The following CDC20B variants were observed in gnomAD, a reference collection of about 807,000 sequenced individuals.
The protein encoded by CDC20B is cell division cycle 20B.
Under a neutral mutation model 64.1 loss-of-function variants are expected in CDC20B, and 58 were observed. The ratio of observed to expected loss-of-function variants is 0.90; its 90% confidence interval spans 0.73 to 1.13. The LOEUF (loss-of-function observed/expected upper bound fraction) is 1.13, where lower values mean the gene tolerates loss of function less well. CDC20B is among the 50% of genes most tolerant of loss of function. The probability of loss-of-function intolerance (pLI) is 0.00; values close to 1 mark genes in which losing one functional copy is unlikely to be tolerated. For synonymous variants in CDC20B, 243 were observed against 230.6 expected (o/e 1.05, Z -0.49); for missense variants, 597 against 633.0 (o/e 0.94, Z 0.61).
chr5:55,162,380 G>T (rs1319758418), intron 2 of CDC20B, among the ~76,000 whole-genome samples: 2 of 152,138 alleles, frequency 1.3e-5, no homozygotes, highest in African/African-American at 4.8e-5. Flanking sequence ...GGGCGACAGA[G>T]CAAGCCTGCA....
In CDC20B at chr5:55,113,799, T is replaced by C. The variant is rs1273058789; in HGVS notation, c.*419A>G. 6.2e-6 allele frequency: 1 copy of C among 160,464 alleles called. No homozygotes were observed. The highest frequency in any genetic ancestry group is 1.8e-4 in the East Asian group (1 of 5,420). 9.9% of individuals were successfully genotyped at this position (160,464 alleles called of 1,614,324 possible). ...GTGAATGAGTTGTGTTTTCAATGTG[T>C]TGAGATTGAGCTAAAGACAGGAAAG... On this transcript the variant is annotated 3_prime_UTR_variant, in exon 12 of 12. Transcript: ENST00000381375.
At chr5:55,119,698 T>C in intron 11 of CDC20B, 103 bp downstream of exon 11, 1 of 729,164 alleles carries the variant, frequency 1.4e-6, no homozygotes, top group South Asian at 1.7e-5. Flanking sequence ...AAATGTGTAC[T>C]TAGAAAAACC....
chr5:55,146,016 T>C (rs1427164401), intron 3 of CDC20B, among the ~76,000 whole-genome samples: 1 of 152,170 alleles, frequency 6.6e-6, no homozygotes, highest in Non-Finnish European at 1.5e-5. Flanking sequence ...CATATACATA[T>C]ATACATATAC....
At chr5:55,143,026 A>C (rs1216880404) in intron 4 of CDC20B, among the ~76,000 whole-genome samples, 1 of 152,172 alleles carries the variant, frequency 6.6e-6, no homozygotes, top group Non-Finnish European at 1.5e-5. Context: ...AAAGATACCT[A>C]AATGTAATAA....
At chr5:55,153,028 C>A (rs1743711839) in intron 2 of CDC20B, among the ~76,000 whole-genome samples, 1 of 151,910 alleles carries the variant, frequency 6.6e-6, no homozygotes, top group African/African-American at 2.4e-5. Context: ...GGCTTGAGCT[C>A]AGGAGTTCAA....
In CDC20B at chr5:55,127,368, G is replaced by A; in HGVS notation, c.895-17C>T. The A allele has an allele frequency of 6.2e-7, 1 of 1,601,864 alleles. No homozygotes were observed. The highest frequency in any genetic ancestry group is 1.1e-5 in the South Asian group (1 of 90,778). ...ATCCCATAACTGAAAAAATGAACAA[G>A]GAGAGTTATGTAGCATTGGAGTTTT... On this transcript the variant is annotated splice_polypyrimidine_tract_variant and intron_variant, in intron 7 of 11. Transcript: ENST00000381375.
intron 7 of CDC20B, among the ~76,000 whole-genome samples, 168 bp downstream of exon 7, chr5:55,128,253 C>A: frequency 2.1e-5 from 3 of 143,100 alleles, no homozygotes; most frequent in Non-Finnish European, 1.5e-5. Flanking sequence ...CATTAAAAAC[C>A]ATTCAGTAAA....
chr5:55,143,517 C>T lies in CDC20B; in HGVS notation c.482G>A (p.Gly161Glu). ...RDWKESVASK[G>E]QKCLKQLFVT... The stretch of plus-strand genomic sequence containing the variant: ...AGTTTTTTTCTCTTTACCTACCTGC[C>T]CTTTTGAGGCAACACTTTCTTTCCA... The change falls in exon 4 of 12, where the codon GGG (glycine) becomes GAG (glutamate). Residue 161 changes from glycine (G) to glutamate (E), a missense_variant. By Grantham distance (98) the Gly-to-Glu change is moderately conservative. Transcript: ENST00000381375. 2 of 1,593,346 alleles carry T rather than the reference C, an allele frequency of 1.3e-6. No homozygotes were observed. Among genetic ancestry groups the T allele is most frequent in the Non-Finnish European group, 1.7e-6 (2 of 1,170,950 alleles).
intron 5 of CDC20B, chr5:55,137,671 C>A: frequency 2.2e-6 from 1 of 456,710 alleles, no homozygotes; most frequent in South Asian, 1.5e-5. Flanking sequence ...TAAGTCAAGT[C>A]AAGTTGGAGG....
rs765785450 is a variant in CDC20B at position 55,164,218 on chromosome 5, A to T, written c.126+8370T>A. The T allele has an allele frequency of 3.9e-6, 6 of 1,531,586 alleles. No homozygotes were observed. The East Asian group carries it at 1.4e-4, about 35-fold the overall frequency. 94.9% of individuals were successfully genotyped at this position (1,531,586 alleles called of 1,614,324 possible). ...TCATAAAAAAGAAAGAGGATCTATG[A>T]GAATGCCATTGCGTTTCTAATAGAA... is the stretch of plus-strand genomic sequence containing the variant. On this transcript the variant is annotated intron_variant, in intron 2 of 11. Transcript: ENST00000381375.
rs1230535845 is a variant in CDC20B at position 55,146,794 on chromosome 5, G to T, written c.189C>A (p.Ser63=). The T allele has an allele frequency of 6.2e-7, 1 of 1,614,044 alleles. No individual in the cohort carries two copies. The highest frequency in any genetic ancestry group is 1.1e-5 in the South Asian group (1 of 91,082). The change falls in exon 3 of 12, where the codon TCC becomes TCA. Residue 63 remains serine (S), a synonymous_variant. Coordinates refer to ENST00000381375, the MANE Select transcript of CDC20B (RefSeq NM_001170402.1). The part of the protein sequence containing the change: ...DFKSNFAKRL[S]AEVPVASSPI... ...GGCTACTCGCAACAGGAACCTCTGC[G>T]GACAGCCTCTTCGCAAAGTTGCTCT... is the stretch of plus-strand genomic sequence containing the variant.
intron 8 of CDC20B, among the ~76,000 whole-genome samples, chr5:55,125,656 A>G (rs1312687559): frequency 1.3e-5 from 2 of 152,250 alleles, no homozygotes; most frequent in Non-Finnish European, 2.9e-5. Context: ...TAAAGATCAC[A>G]TCACTTTTTC....
chr5:55,128,440 G>A lies in CDC20B; in HGVS notation c.875C>T (p.Thr292Ile). 1.9e-6 allele frequency: 3 copies of A among 1,603,116 alleles called. No individual in the cohort carries two copies. Among genetic ancestry groups the A allele is most frequent in the Non-Finnish European group, 2.5e-6 (3 of 1,177,108 alleles). The change falls in exon 7 of 12, where the codon ACC (threonine) becomes ATC (isoleucine). Residue 292 changes from threonine (T) to isoleucine (I), a missense_variant. By Grantham distance (89) the Thr-to-Ile change is moderately conservative. Coordinates refer to ENST00000381375, the MANE Select transcript of CDC20B (RefSeq NM_001170402.1). ...CAGTACTTGCACTTCTCCCTCGCTG[G>A]TGCCAACTGCCAGGCAAGTTCCCTC... ...IKEGTCLAVG[T>I]SEGEVQLWDV... is the part of the protein sequence containing the mutation.
chr5:55,160,509 C>A, intron 2 of CDC20B: 1 of 730,190 alleles, frequency 1.4e-6, no homozygotes, highest in Non-Finnish European at 2.3e-6. Context: ...ATTTAGTCTT[C>A]AGAGTAATGG....
rs1295408680 is a variant in CDC20B, at chr5:55,172,568, A to G, written c.126+20T>C. 2.5e-6 allele frequency: 4 copies of G among 1,594,198 alleles called. No homozygotes were observed. The highest frequency in any genetic ancestry group is 3.4e-6 in the Non-Finnish European group (4 of 1,162,380). On this transcript the variant is annotated intron_variant, in intron 2 of 11. Coordinates refer to ENST00000381375, the MANE Select transcript of CDC20B (RefSeq NM_001170402.1). The stretch of plus-strand genomic sequence containing the variant: ...AAGATCAGAATTAAAACAGAGAACA[A>G]GAACAAGCCCTGGACTCACGTTGGC...
chr5:55,132,631 C>G (rs1243862124), intron 6 of CDC20B, among the ~76,000 whole-genome samples: 1 of 152,160 alleles, frequency 6.6e-6, no homozygotes, highest in Non-Finnish European at 1.5e-5. Context: ...TCTTTGGCAG[C>G]TCTTTCCTAC....
intron 7 of CDC20B, 90 bp from the exon 8 acceptor site, chr5:55,127,441 A>AT: frequency 9.9e-7 from 1 of 1,006,406 alleles, no homozygotes; most frequent in Non-Finnish European, 1.6e-6. Context: ...TACTGCTGAT[A>AT]TTGTTAGTTT....
chr5:55,141,761 C>G (rs1458628323), intron 4 of CDC20B, among the ~76,000 whole-genome samples: 1 of 152,142 alleles, frequency 6.6e-6, no homozygotes, highest in Non-Finnish European at 1.5e-5. Flanking sequence ...CAAGGTAGAA[C>G]AACTAACTAG....
chr5:55,170,796 C>A, intron 2 of CDC20B: 1 of 476,786 alleles, frequency 2.1e-6, no homozygotes, highest in African/African-American at 2.0e-5. Flanking sequence ...TAACATGAAA[C>A]ATAGTGGCAG....
Sources: allele counts gnomAD v4.1 joint callset (sites outside exome capture counted in the v4.1 genomes callset), GRCh38; gene constraint gnomAD v4.1.1; transcripts MANE v1.5; gene names NCBI Gene and HGNC (gene_info 2026-07-23, HGNC 2026-07-21).